Variants in APBB2 observed in about 807,000 individuals in gnomAD.
The protein encoded by APBB2 is amyloid beta precursor protein binding family B member 2.
In APBB2, 38 loss-of-function variants were observed where a neutral mutation model predicts 82.5. That is an observed-to-expected ratio of 0.46 (90% CI 0.36 to 0.60). APBB2 has a LOEUF of 0.60. Among genes scored for constraint, APBB2 ranks in the 20% least tolerant of loss-of-function variants. The pLI is 0.00. For missense variants in APBB2, 772 were observed against 972.3 expected, an observed-to-expected ratio of 0.79 and a Z score of 2.74; for synonymous variants, 341 against 368.2, an observed-to-expected ratio of 0.93 and a Z score of 0.85.
At chr4:41,128,195 T>A (rs1051905837) in intron 2 of APBB2, among the ~76,000 whole-genome samples, 17 of 152,196 alleles carry the variant, frequency 1.1e-4, no homozygotes, top group African/African-American at 4.1e-4. Flanking sequence ...ATCAGAGAAA[T>A]GCAATTCAAA....
intron 6 of APBB2, among the ~76,000 whole-genome samples, chr4:40,955,214 A>C (rs1361650073): frequency 4.6e-5 from 7 of 152,238 alleles, no homozygotes; most frequent in Admixed American, 4.6e-4. Context: ...AAGTAGGAGA[A>C]GGAGCCAGCC....
intron 6 of APBB2, among the ~76,000 whole-genome samples, chr4:40,993,361 CTTTTTTTT>C (rs34787320): frequency 3.5e-5 from 4 of 114,616 alleles, no homozygotes; most frequent in African/African-American, 1.1e-4. Flanking sequence ...ACTCTTCTCT[CTTTTTTTT>C]TTTTTTTTTT....
At chr4:41,207,121 C>T (rs1580838747) in intron 1 of APBB2, among the ~76,000 whole-genome samples, 2 of 141,238 alleles carry the variant, frequency 1.4e-5, no homozygotes, top group Non-Finnish European at 3.0e-5. Context: ...ACTGCTTGAA[C>T]CTGGAAGGTG....
At chr4:41,007,421 C>G (rs372806870) in intron 6 of APBB2, among the ~76,000 whole-genome samples, 2 of 152,034 alleles carry the variant, frequency 1.3e-5, no homozygotes, top group African/African-American at 4.8e-5. Context: ...GTTATAGCAA[C>G]AGAAAACAAT....
At chr4:40,906,599 G>A (rs1776823066) in intron 10 of APBB2, among the ~76,000 whole-genome samples, 1 of 151,984 alleles carries the variant, frequency 6.6e-6, no homozygotes, top group Admixed American at 6.5e-5. Context: ...GCGCTCTGAT[G>A]TAACCACAGG....
chr4:41,064,104 G>T (rs576066230), intron 4 of APBB2, among the ~76,000 whole-genome samples: 45 of 151,710 alleles, frequency 3.0e-4, no homozygotes, highest in Middle Eastern at 3.4e-3. Flanking sequence ...TCAGCCTCCC[G>T]AGTAGCTGGG....
At chr4:41,015,039 A>G (rs1350330703) in intron 5 of APBB2, among the ~76,000 whole-genome samples, 2 of 152,210 alleles carry the variant, frequency 1.3e-5, no homozygotes, top group African/African-American at 4.8e-5. Context: ...TTTCTGAAGA[A>G]CACGTACACA....
intron 5 of APBB2, among the ~76,000 whole-genome samples, chr4:41,018,585 TGA>T (rs1810638862): frequency 1.3e-5 from 2 of 152,212 alleles, no homozygotes; most frequent in South Asian, 2.1e-4. Context: ...GTGTATATTC[TGA>T]GTGTGTGTGT....
intron 3 of APBB2, among the ~76,000 whole-genome samples, chr4:41,088,488 G>C (rs1458034707): frequency 2.0e-5 from 3 of 152,226 alleles, no homozygotes; most frequent in Non-Finnish European, 2.9e-5. Context: ...CGCTGTGAGA[G>C]GTGGATTTCC....
At chr4:40,816,925 G>C (rs967491336) in intron 17 of APBB2, among the ~76,000 whole-genome samples, 34 of 152,166 alleles carry the variant, frequency 2.2e-4, no homozygotes, top group African/African-American at 8.2e-4. Context: ...GTACATACAA[G>C]TCTAAATCTT....
intron 12 of APBB2, chr4:40,842,275 G>A (rs961384850): frequency 3.4e-5 from 14 of 411,912 alleles, no homozygotes; most frequent in African/African-American, 2.5e-4. Context: ...AAGGATGGTT[G>A]TGAGGATGGC....
intron 6 of APBB2, among the ~76,000 whole-genome samples, chr4:40,948,792 T>C (rs1247505131): frequency 7.8e-6 from 1 of 128,598 alleles, no homozygotes; most frequent in Admixed American, 8.4e-5. Flanking sequence ...AAGAGCCTAA[T>C]GTGGGAGAAT....
intron 1 of APBB2, among the ~76,000 whole-genome samples, chr4:41,158,779 T>C (rs950884571): frequency 3.3e-5 from 5 of 152,158 alleles, no homozygotes; most frequent in South Asian, 2.1e-4. Context: ...CTAATATCGA[T>C]TGAGCACCTA....
intron 10 of APBB2, among the ~76,000 whole-genome samples, chr4:40,929,652 A>G (rs530977917): frequency 6.6e-6 from 1 of 152,226 alleles, no homozygotes; most frequent in Non-Finnish European, 1.5e-5. Flanking sequence ...CAATAAACTA[A>G]GATGAATAAA....
chr4:40,880,549 C>T lies in APBB2; in HGVS notation c.1529+9815G>A. 4.1e-6 allele frequency: 4 copies of T among 985,434 alleles called. No individual in the cohort carries two copies. The South Asian group carries it at 1.4e-4, about 35-fold the overall frequency. The allele number at this position is 985,434 out of a possible 1,614,324, so 61.0% of individuals were successfully genotyped here. A position where few individuals can be genotyped will look rare whatever the true frequency, so the allele number is the denominator to read the frequency against. On this transcript the variant is annotated intron_variant, in intron 12 of 17. Transcript: ENST00000508593. The stretch of plus-strand genomic sequence containing the variant: ...TCCTCTGTTCTCAAAGACATTCATC[C>T]ATGTTTACATGGGTTGTTAGGCTAT...
intron 3 of APBB2, among the ~76,000 whole-genome samples, chr4:41,091,416 G>A (rs1741649168): frequency 6.6e-6 from 1 of 152,186 alleles, no homozygotes; most frequent in Admixed American, 6.5e-5. Flanking sequence ...TATACATAAT[G>A]AAGCAAAAGA....
At chr4:40,866,566 G>A (rs1011848828) in intron 12 of APBB2, among the ~76,000 whole-genome samples, 7 of 151,948 alleles carry the variant, frequency 4.6e-5, no homozygotes, top group African/African-American at 1.5e-4. Flanking sequence ...ACATTAGAAG[G>A]CCACAGAAAC....
At position 41,156,443 on chromosome 4, in the gene APBB2, G is replaced by A. The variant is rs116834417; in HGVS notation, c.-416-13301C>T. Among the ~76,000 whole-genome samples the A allele has an allele frequency of 9.0e-3, 1,369 of 152,282 alleles. 33 individuals are homozygous for A. The highest frequency in any genetic ancestry group is 0.032 in the African/African-American group (1,317 of 41,554). On this transcript the variant is annotated intron_variant, in intron 1 of 17. Transcript: ENST00000508593. ...CGAGGGAAGAATCTCCATGTGCTCC[G>A]AGTATCGATAGCCAGTCCAGCTTCA... is the stretch of plus-strand genomic sequence containing the variant.
intron 12 of APBB2, among the ~76,000 whole-genome samples, chr4:40,841,677 T>C (rs1366827954): frequency 6.6e-6 from 1 of 151,854 alleles, no homozygotes; most frequent in Non-Finnish European, 1.5e-5. Context: ...ATATTATTTA[T>C]TTATTTATTT....
Sources: gnomAD v4.1 joint callset for allele counts (sites outside exome capture counted in the v4.1 genomes callset) on GRCh38, gnomAD v4.1.1 for gene constraint, MANE v1.5 for transcripts, NCBI Gene and HGNC (gene_info 2026-07-23, HGNC 2026-07-21) for gene names.